Variants in ABCA4 observed in about 807,000 individuals in gnomAD.
The protein encoded by ABCA4 is ATP binding cassette subfamily A member 4.
ABCA4 carries 196 observed loss-of-function variants against 263.7 expected under a neutral mutation model. The ratio of observed to expected loss-of-function variants is 0.74; its 90% CI spans 0.66 to 0.84. ABCA4 has a LOEUF of 0.84. Among genes scored for constraint, ABCA4 ranks in the 40% least tolerant of loss-of-function variants. The pLI, the probability that ABCA4 is intolerant of heterozygous loss-of-function variation, is 0.00. For synonymous variants in ABCA4, 1,133 were observed against 1,094.2 expected, an observed-to-expected ratio of 1.04 and a Z score of -0.70; for missense variants, 2,792 against 2,855.1, an observed-to-expected ratio of 0.98 and a Z score of 0.50.
chr1:94,046,473 A>AAAAAGAAAG (rs71094277), intron 19 of ABCA4, among the ~76,000 whole-genome samples: 2 of 120,744 alleles, frequency 1.7e-5, no homozygotes, highest in African/African-American at 2.7e-5. Flanking sequence ...AAAAAAAAAA[A>AAAAAGAAAG]AAAGAAAAGA....
chr1:94,092,795 C>T (rs140169263), intron 6 of ABCA4, among the ~76,000 whole-genome samples: 9 of 144,520 alleles, frequency 6.2e-5, no homozygotes, highest in African/African-American at 2.0e-4. Context: ...ATGAGACAGA[C>T]CTTCTCCTAG....
chr1:94,094,089 T>C (rs999754729), intron 6 of ABCA4, among the ~76,000 whole-genome samples: 3 of 152,234 alleles, frequency 2.0e-5, no homozygotes, highest in Admixed American at 1.3e-4. Context: ...GAGGAAGTCA[T>C]GACATCAAGT....
At chr1:94,024,903 A>T (rs1444656422) in intron 31 of ABCA4, 51 bp downstream of exon 31, 2 of 1,452,512 alleles carry the variant, frequency 1.4e-6, no homozygotes, top group Non-Finnish European at 1.9e-6. Flanking sequence ...TCCCTAGTTA[A>T]TATCTTCTAC....
chr1:94,003,114 A>G (rs767539522), intron 44 of ABCA4, among the ~76,000 whole-genome samples: 8 of 152,234 alleles, frequency 5.3e-5, no homozygotes, highest in Non-Finnish European at 1.2e-4. Flanking sequence ...TAACCACAGT[A>G]CATTATCAAT....
chr1:94,014,540 C>T lies in ABCA4; in HGVS notation c.5460+3G>A, dbSNP rs371777196. On this transcript the variant is annotated splice_donor_region_variant and intron_variant, in intron 38 of 49. Transcript: ENST00000370225. ...ACAAAAAAGCCAAGAAAGTTATGCT[C>T]ACCCGGTTATTCTCAAATAATTCCA... is the stretch of plus-strand genomic sequence containing the variant. 1.9e-5 allele frequency: 30 copies of T among 1,614,178 alleles called. No homozygotes were observed. In the Admixed American group the frequency reaches 3.5e-4, roughly 19 times the overall value.
chr1:94,044,087 T>A (rs1472006925), intron 20 of ABCA4, among the ~76,000 whole-genome samples: 1 of 71,886 alleles, frequency 1.4e-5, no homozygotes, highest in Non-Finnish European at 2.6e-5. Flanking sequence ...CCTCCCTCCC[T>A]CCCTTCTTTC....
chr1:94,115,816 T>C (rs1318865071), intron 1 of ABCA4, among the ~76,000 whole-genome samples: 1 of 152,170 alleles, frequency 6.6e-6, no homozygotes, highest in South Asian at 2.1e-4. Flanking sequence ...TCTGCAACCT[T>C]GTAGGCCTGC....
intron 16 of ABCA4, 126 bp downstream of exon 16, chr1:94,054,985 G>T (rs1229206480): frequency 5.8e-6 from 6 of 1,031,020 alleles, no homozygotes; most frequent in Non-Finnish European, 8.8e-6. Flanking sequence ...TTAACTTCTA[G>T]ATTTAAACTT....
At chr1:94,045,430 A>G (rs145219477) in intron 19 of ABCA4, among the ~76,000 whole-genome samples, 1 of 152,140 alleles carries the variant, frequency 6.6e-6, no homozygotes, top group African/African-American at 2.4e-5. Context: ...AGCATAAAGT[A>G]AAACTCAAAA....
chr1:94,001,751 G>T, intron 45 of ABCA4, 107 bp downstream of exon 45: 1 of 1,534,564 alleles, frequency 6.5e-7, no homozygotes, highest in Non-Finnish European at 8.9e-7. Flanking sequence ...CCAGACTAAA[G>T]CCAAACTGCT....
chr1:94,080,440 T>C (rs766083191), intron 8 of ABCA4, 38 bp downstream of exon 8: 1 of 1,613,404 alleles, frequency 6.2e-7, no homozygotes, highest in South Asian at 1.1e-5. Flanking sequence ...TTAACCAACA[T>C]GAGAGGCCAA....
At chr1:94,104,385 T>G (rs1337402567) in intron 4 of ABCA4, among the ~76,000 whole-genome samples, 1 of 152,152 alleles carries the variant, frequency 6.6e-6, no homozygotes, top group Non-Finnish European at 1.5e-5. Flanking sequence ...TCCCCATTCT[T>G]TCCTGGTCCC....
intron 1 of ABCA4, among the ~76,000 whole-genome samples, chr1:94,114,114 A>G (rs1177041642): frequency 1.3e-5 from 2 of 152,256 alleles, no homozygotes; most frequent in Non-Finnish European, 2.9e-5. Context: ...GGCTATTCAC[A>G]TGGTCTTTCA....
At chr1:94,060,245 G>T (rs1318969355) in intron 14 of ABCA4, among the ~76,000 whole-genome samples, 1 of 152,196 alleles carries the variant, frequency 6.6e-6, no homozygotes, top group Non-Finnish European at 1.5e-5. Flanking sequence ...CCTGTGCAGG[G>T]CTCTGCTAAT....
intron 14 of ABCA4, 92 bp from the exon 15 acceptor site, chr1:94,056,914 GT>G (rs1214843793): frequency 1.1e-5 from 11 of 1,046,570 alleles, no homozygotes; most frequent in Admixed American, 2.0e-5. Flanking sequence ...CCAGCCTGCA[GT>G]TAGTGTCTAA....
At chr1:94,087,377 T>C (rs1334414995) in intron 6 of ABCA4, among the ~76,000 whole-genome samples, 4 of 152,160 alleles carry the variant, frequency 2.6e-5, no homozygotes, top group Non-Finnish European at 4.4e-5. Context: ...GATTGATGCT[T>C]ATCTATGCAA....
At chr1:94,029,688 T>C (rs1660145212) in intron 29 of ABCA4, 57 bp from the exon 30 acceptor site, 1 of 1,529,442 alleles carries the variant, frequency 6.5e-7, no homozygotes, top group African/African-American at 1.4e-5. Context: ...GACAAATCCC[T>C]AGGCATAAGA....
At chr1:94,040,891 C>T (rs1014014624) in intron 23 of ABCA4, among the ~76,000 whole-genome samples, 5 of 152,118 alleles carry the variant, frequency 3.3e-5, no homozygotes. Flanking sequence ...GAAGCTCAAC[C>T]AATTGCTCTT....
At chr1:94,066,965 G>A (rs1454720881) in intron 11 of ABCA4, among the ~76,000 whole-genome samples, 2 of 152,150 alleles carry the variant, frequency 1.3e-5, no homozygotes, top group African/African-American at 2.4e-5. Context: ...ATAGCCCTGC[G>A]TGGCTGCTGG....
Sources: gnomAD v4.1 joint callset for allele counts (sites outside exome capture counted in the v4.1 genomes callset) on GRCh38, gnomAD v4.1.1 for gene constraint, MANE v1.5 for transcripts, NCBI Gene and HGNC (gene_info 2026-07-23, HGNC 2026-07-21) for gene names.